OTUD7B: variants seen among roughly 807,000 people sequenced by gnomAD.
The protein encoded by OTUD7B is OTU domain-containing protein 7B.
Under a neutral mutation model 82.2 loss-of-function variants are expected in OTUD7B, and 34 were observed. The ratio of observed to expected loss-of-function variants is 0.41; its 90% CI spans 0.31 to 0.55. The LOEUF is 0.55. Ranked by LOEUF, OTUD7B falls within the 20% of genes least tolerant of loss-of-function variation. The pLI is 0.20. For synonymous variants in OTUD7B, 398 were observed against 402.7 expected, an observed-to-expected ratio of 0.99 and a Z score of 0.14; for missense variants, 944 against 1,062.1, an observed-to-expected ratio of 0.89 and a Z score of 1.55.
chr1:150,044,948 C>T, the OTUD7B span, among the ~76,000 whole-genome samples: 1 of 151,888 alleles, frequency 6.6e-6, no homozygotes. Context: ...TTATATATCA[C>T]TATGTCTATA....
At chr1:150,020,831 T>A in the OTUD7B span, among the ~76,000 whole-genome samples, 1 of 152,248 alleles carries the variant, frequency 6.6e-6, no homozygotes, top group Non-Finnish European at 1.5e-5. Context: ...GAAATCACAT[T>A]TCCCCCCAAA....
At chr1:150,023,318 A>C in the OTUD7B span, among the ~76,000 whole-genome samples, 2 of 152,250 alleles carry the variant, frequency 1.3e-5, no homozygotes, top group Non-Finnish European at 2.9e-5. Flanking sequence ...AAATCAGTGC[A>C]TCAAAGAGAT....
chr1:150,041,854 A>G, the OTUD7B span, among the ~76,000 whole-genome samples: 4 of 151,932 alleles, frequency 2.6e-5, no homozygotes, highest in Non-Finnish European at 5.9e-5. Flanking sequence ...TTCTTTGCCT[A>G]GCTTATTGAG....
chr1:150,034,458 T>C, the OTUD7B span, among the ~76,000 whole-genome samples: 1 of 152,152 alleles, frequency 6.6e-6, no homozygotes, highest in Non-Finnish European at 1.5e-5. Context: ...CACACACACA[T>C]AGTTTCTGCT....
intron 6 of OTUD7B, chr1:149,963,967 A>G (rs1242001795): frequency 4.2e-5 from 16 of 380,084 alleles, no homozygotes; most frequent in Admixed American, 1.7e-4. Context: ...ACTAAAAGCT[A>G]TAAAGCACCT....
chr1:149,950,804 T>TTA (rs1553773243), intron 7 of OTUD7B, among the ~76,000 whole-genome samples: 3 of 143,568 alleles, frequency 2.1e-5, no homozygotes, highest in Non-Finnish European at 4.6e-5. Flanking sequence ...TTTTTCTTTT[T>TTA]TTTTTTTGAG....
At chr1:149,993,171 A>G (rs1553782564) in intron 1 of OTUD7B, among the ~76,000 whole-genome samples, 1 of 152,206 alleles carries the variant, frequency 6.6e-6, no homozygotes, top group Non-Finnish European at 1.5e-5. Flanking sequence ...ACAGCCTGAA[A>G]GCATCAAAGC....
the OTUD7B span, among the ~76,000 whole-genome samples, chr1:150,061,621 A>T: frequency 1.3e-5 from 2 of 152,266 alleles, no homozygotes; most frequent in Admixed American, 1.3e-4. Context: ...AAAAAAAAGG[A>T]GGCTGTTCAT....
Position 149,942,254 on chromosome 1 carries a change from T to G in OTUD7B, c.*1603A>C, listed in dbSNP as rs587665548. ...TAATACTCTGGACACATAAGTACAC[T>G]TATTCCCCTTCTTCACATGCACCCG... On this transcript the variant is annotated 3_prime_UTR_variant, in exon 12 of 12. Coordinates refer to ENST00000581312, the MANE Select transcript of OTUD7B (RefSeq NM_020205.4). 1 of 152,770 alleles carries G rather than the reference T, an allele frequency of 6.5e-6. No individual in the cohort carries two copies. Among genetic ancestry groups the G allele is most frequent in the South Asian group, 2.1e-4 (1 of 4,824 alleles). 9.5% of individuals were successfully genotyped at this position (152,770 alleles called of 1,614,324 possible).
At chr1:150,000,092 A>T (rs1553784358) in intron 1 of OTUD7B, among the ~76,000 whole-genome samples, 2 of 152,202 alleles carry the variant, frequency 1.3e-5, no homozygotes, top group Non-Finnish European at 2.9e-5. Context: ...TGCTGGAGAA[A>T]AAAGAAAATC....
chr1:149,943,791 TCTTGATGAGC>T lies in OTUD7B; in HGVS notation c.*56_*65del. 3 of 1,493,944 alleles carry T rather than the reference TCTTGATGAGC, an allele frequency of 2.0e-6. No individual in the cohort carries two copies. The highest frequency in any genetic ancestry group is 2.8e-6 in the Non-Finnish European group (3 of 1,084,382). The allele number at this position is 1,493,944 out of a possible 1,614,324, so 92.5% of individuals were successfully genotyped here. On this transcript the variant is annotated 3_prime_UTR_variant, in exon 12 of 12. Transcript: ENST00000581312. The stretch of plus-strand genomic sequence containing the variant: ...TTCCCCCTCAACATGGGGACTGTGT[TCTTGATGAGC>T]CAATTAGTTGAGCTTAACTTTGTTT...
intron 1 of OTUD7B, among the ~76,000 whole-genome samples, chr1:149,984,694 C>T (rs1333970543): frequency 1.3e-5 from 2 of 152,200 alleles, no homozygotes; most frequent in Admixed American, 6.5e-5. Flanking sequence ...TATATAAAAA[C>T]ATGAGCTTAT....
At chr1:150,011,271 C>T (rs587617207), upstream of OTUD7B, among the ~76,000 whole-genome samples, 7 of 152,266 alleles carry the variant, frequency 4.6e-5, no homozygotes, top group Admixed American at 3.9e-4. Context: ...GATACATCTG[C>T]TTTAGACTGC....
chr1:149,977,136 A>C (rs137932331), intron 2 of OTUD7B, among the ~76,000 whole-genome samples: 2 of 152,068 alleles, frequency 1.3e-5, no homozygotes, highest in Non-Finnish European at 2.9e-5. Context: ...TAAATAAATA[A>C]AATAAAATAA....
chr1:150,040,119 T>C, the OTUD7B span, among the ~76,000 whole-genome samples: 1 of 152,238 alleles, frequency 6.6e-6, no homozygotes, highest in African/African-American at 2.4e-5. Context: ...ATAGATAGCC[T>C]ACATCAAATT....
chr1:150,003,433 T>G (rs1553785435), intron 1 of OTUD7B, among the ~76,000 whole-genome samples: 1 of 152,162 alleles, frequency 6.6e-6, no homozygotes, highest in Non-Finnish European at 1.5e-5. Flanking sequence ...TCTTGTCATC[T>G]GTAGAGTATA....
At chr1:149,977,988 C>G (rs1650442005) in intron 1 of OTUD7B, among the ~76,000 whole-genome samples, 1 of 152,178 alleles carries the variant, frequency 6.6e-6, no homozygotes, top group South Asian at 2.1e-4. Context: ...TAATTAGTTG[C>G]TGTCTAGCCA....
chr1:150,051,777 T>C, the OTUD7B span, among the ~76,000 whole-genome samples: 62 of 152,306 alleles, frequency 4.1e-4, no homozygotes, highest in African/African-American at 1.4e-3. Context: ...AGAATAATCT[T>C]AAATAATAGT....
intron 1 of OTUD7B, among the ~76,000 whole-genome samples, chr1:149,997,120 G>A (rs139808681): frequency 1.3e-5 from 2 of 152,112 alleles, no homozygotes; most frequent in Admixed American, 6.5e-5. Context: ...AGTCCCTTAC[G>A]GTAGGTGCAT....
Sources: gnomAD v4.1 joint callset for allele counts (sites outside exome capture counted in the v4.1 genomes callset) on GRCh38, gnomAD v4.1.1 for gene constraint, MANE v1.5 for transcripts, NCBI Gene and HGNC (gene_info 2026-07-23, HGNC 2026-07-21) for gene names.